CDH13: variants seen among roughly 807,000 people sequenced by gnomAD.
The protein encoded by CDH13 is cadherin 13, also known as cadherin-13.
A neutral mutation model predicts 63.8 loss-of-function variants in CDH13; 24 were observed. The ratio of observed to expected loss-of-function variants is 0.38; its 90% confidence interval spans 0.27 to 0.53. The LOEUF (loss-of-function observed/expected upper bound fraction) is 0.53, where lower values mean the gene tolerates loss of function less well. CDH13 is among the 20% of genes least tolerant of loss of function. The pLI is 0.85. For synonymous variants in CDH13, 503 were observed against 355.3 expected, an observed-to-expected ratio of 1.42 and a Z score of -4.67; for missense variants, 1,049 against 903.1, an observed-to-expected ratio of 1.16 and a Z score of -2.07.
At chr16:83,475,358 G>A (rs1453596910) in intron 6 of CDH13, among the ~76,000 whole-genome samples, 8 of 152,208 alleles carry the variant, frequency 5.3e-5, no homozygotes, top group African/African-American at 1.7e-4. Context: ...TGCCGCTCCT[G>A]CAGCAGTCAG....
intron 3 of CDH13, among the ~76,000 whole-genome samples, chr16:83,048,671 G>A (rs1305140352): frequency 6.6e-6 from 1 of 152,074 alleles, no homozygotes; most frequent in Non-Finnish European, 1.5e-5. Flanking sequence ...CTCAGAGAAA[G>A]ACCGATTCTT....
At chr16:83,169,707 T>C (rs2037841984) in intron 4 of CDH13, among the ~76,000 whole-genome samples, 1 of 152,138 alleles carries the variant, frequency 6.6e-6, no homozygotes, top group Non-Finnish European at 1.5e-5. Flanking sequence ...GTCATATGTT[T>C]GTTGCCTTTC....
chr16:82,892,178 G>A (rs540498360), intron 2 of CDH13, among the ~76,000 whole-genome samples: 1 of 152,204 alleles, frequency 6.6e-6, no homozygotes, highest in African/African-American at 2.4e-5. Context: ...GAAAATGATG[G>A]TATCATTTCC....
intron 7 of CDH13, among the ~76,000 whole-genome samples, chr16:83,558,706 C>T (rs181776704): frequency 5.2e-4 from 79 of 152,212 alleles, no homozygotes; most frequent in African/African-American, 1.6e-3. Context: ...TAGTTGACAT[C>T]ATTTCAACTT....
At position 83,131,856 on chromosome 16, in the gene CDH13, C is replaced by G. The variant is rs138311891; in HGVS notation, c.483+6355C>G. On this transcript the variant is annotated intron_variant, in intron 4 of 13. Transcript: ENST00000567109. ...GGATAGAAGAAATATGTAACTGGGC[C>G]AAGTGCTGTTTGTAAAGGGAATCAA... Among the ~76,000 whole-genome samples, 467 of 152,224 alleles carry G rather than the reference C, an allele frequency of 3.1e-3. 4 individuals carry two copies. Among genetic ancestry groups the G allele is most frequent in the South Asian group, 0.02 (98 of 4,820 alleles).
At chr16:83,053,342 C>T (rs919563426) in intron 3 of CDH13, among the ~76,000 whole-genome samples, 9 of 152,260 alleles carry the variant, frequency 5.9e-5, no homozygotes, top group African/African-American at 1.9e-4. Context: ...TTCTTCCCTT[C>T]TTTCTTTTTT....
At chr16:82,909,628 G>A (rs1258436881) in intron 2 of CDH13, among the ~76,000 whole-genome samples, 1 of 152,100 alleles carries the variant, frequency 6.6e-6, no homozygotes, top group African/African-American at 2.4e-5. Flanking sequence ...GCAGGCAAGA[G>A]AGCTCATGCA....
At chr16:82,895,381 C>A (rs890652023) in intron 2 of CDH13, among the ~76,000 whole-genome samples, 1 of 152,186 alleles carries the variant, frequency 6.6e-6, no homozygotes, top group Non-Finnish European at 1.5e-5. Context: ...TGCCACCATC[C>A]CCTCATCATC....
intron 1 of CDH13, among the ~76,000 whole-genome samples, chr16:82,697,638 C>T (rs951571633): frequency 6.6e-6 from 1 of 151,722 alleles, no homozygotes; most frequent in African/African-American, 2.4e-5. Context: ...CCATGTAGAC[C>T]AGGCTGGTCT....
chr16:83,629,892 T>C (rs1422958569), intron 8 of CDH13, among the ~76,000 whole-genome samples: 1 of 152,226 alleles, frequency 6.6e-6, no homozygotes, highest in Non-Finnish European at 1.5e-5. Flanking sequence ...TACAACAGCG[T>C]TGAATCCATT....
intron 6 of CDH13, among the ~76,000 whole-genome samples, chr16:83,405,937 A>T (rs140254748): frequency 2.0e-5 from 3 of 152,318 alleles, no homozygotes; most frequent in African/African-American, 7.2e-5. Context: ...ACAGGCAGCC[A>T]ATGCGTTTGA....
chr16:83,589,904 T>C (rs9889024), intron 7 of CDH13, among the ~76,000 whole-genome samples: 43,595 of 151,550 alleles, frequency 0.29, 6,736 homozygotes, highest in South Asian at 0.39. Flanking sequence ...AGTGATTATC[T>C]TCCAAAGGAT....
At chr16:83,140,771 A>G (rs550400508) in intron 4 of CDH13, among the ~76,000 whole-genome samples, 1 of 152,204 alleles carries the variant, frequency 6.6e-6, no homozygotes, top group Non-Finnish European at 1.5e-5. Context: ...ATGTATCTTA[A>G]GGCATAGAGC....
chr16:83,701,557 C>T lies in CDH13; in HGVS notation c.1538+23096C>T, dbSNP rs137879848. Among the ~76,000 whole-genome samples, 3 of 152,272 alleles carry T rather than the reference C, an allele frequency of 2.0e-5. 1 individual carries two copies. Among genetic ancestry groups the T allele is most frequent in the African/African-American group, 4.8e-5 (2 of 41,536 alleles). ...ATATCTGTTTGAGCTACAACTAAAA[C>T]CCTGGAGTCTCTGCATGCCTTTGCC... On this transcript the variant is annotated intron_variant, in intron 10 of 13. Coordinates refer to ENST00000567109, the MANE Select transcript of CDH13 (RefSeq NM_001257.5).
At chr16:83,508,847 G>T (rs1219120200) in intron 7 of CDH13, among the ~76,000 whole-genome samples, 1 of 152,174 alleles carries the variant, frequency 6.6e-6, no homozygotes, top group Non-Finnish European at 1.5e-5. Context: ...CTATATTTTA[G>T]ATATCTTGTA....
intron 2 of CDH13, among the ~76,000 whole-genome samples, chr16:82,993,543 T>C (rs1911884088): frequency 6.6e-6 from 1 of 152,204 alleles, no homozygotes; most frequent in Non-Finnish European, 1.5e-5. Context: ...TGAAGTAGCA[T>C]TGGGCCATGT....
intron 1 of CDH13, among the ~76,000 whole-genome samples, chr16:82,652,592 A>T (rs1402303786): frequency 6.6e-6 from 1 of 150,820 alleles, no homozygotes; most frequent in African/African-American, 2.4e-5. Flanking sequence ...AAAATTACAG[A>T]TCTTGGAAAA....
intron 2 of CDH13, among the ~76,000 whole-genome samples, chr16:82,895,145 G>C (rs1250317056): frequency 6.6e-6 from 1 of 152,110 alleles, no homozygotes; most frequent in Non-Finnish European, 1.5e-5. Flanking sequence ...CCTCTACCTA[G>C]TTCAAAACAT....
chr16:83,553,621 G>A (rs1321076775), intron 7 of CDH13, among the ~76,000 whole-genome samples: 4 of 152,170 alleles, frequency 2.6e-5, no homozygotes, highest in Non-Finnish European at 2.9e-5. Flanking sequence ...CTGAGGCACG[G>A]TCTTGGCTCA....
Sources: gnomAD v4.1 joint callset for allele counts (sites outside exome capture counted in the v4.1 genomes callset) on GRCh38, gnomAD v4.1.1 for gene constraint, MANE v1.5 for transcripts, NCBI Gene and HGNC (gene_info 2026-07-23, HGNC 2026-07-21) for gene names.